Variants in TANGO6 observed in about 807,000 individuals in gnomAD.
The protein encoded by TANGO6 is transport and Golgi organization protein 6 homolog.
Under a neutral mutation model 114.2 loss-of-function variants are expected in TANGO6, and 90 were observed. That is an observed-to-expected ratio of 0.79 (90% CI 0.66 to 0.94). The LOEUF (loss-of-function observed/expected upper bound fraction) is 0.94, where lower values mean the gene tolerates loss of function less well. Among genes scored for constraint, TANGO6 ranks in the 40% least tolerant of loss-of-function variants. The pLI, the probability that TANGO6 is intolerant of heterozygous loss-of-function variation, is 0.00. For missense variants in TANGO6, 1,274 were observed against 1,315.3 expected, an observed-to-expected ratio of 0.97 and a Z score of 0.49; for synonymous variants, 477 against 509.8, an observed-to-expected ratio of 0.94 and a Z score of 0.87.
intron 15 of TANGO6, among the ~76,000 whole-genome samples, chr16:69,010,839 A>G (rs1398678731): frequency 6.6e-6 from 1 of 152,226 alleles, no homozygotes; most frequent in Non-Finnish European, 1.5e-5. Flanking sequence ...TGAATTGGTT[A>G]GATGGAAAGA....
At chr16:69,075,992 T>C (rs1459701764) in intron 17 of TANGO6, among the ~76,000 whole-genome samples, 5 of 151,578 alleles carry the variant, frequency 3.3e-5, no homozygotes, top group Non-Finnish European at 5.9e-5. Context: ...CTCAATCTCC[T>C]GACCTCGTGA....
intron 7 of TANGO6, among the ~76,000 whole-genome samples, chr16:68,893,958 C>T (rs1258140932): frequency 2.6e-5 from 4 of 152,044 alleles, no homozygotes; most frequent in African/African-American, 4.8e-5. Flanking sequence ...AGAGGTGGAG[C>T]GGTCAGGCCC....
In TANGO6 at chr16:69,022,829, A is replaced by G; in HGVS notation, c.2844A>G (p.Gly948=). The G allele has an allele frequency of 6.4e-7, 1 of 1,574,240 alleles. No homozygotes were observed. Among genetic ancestry groups the G allele is most frequent in the Non-Finnish European group, 8.6e-7 (1 of 1,159,126 alleles). Residue 948 remains glycine (G), a splice_region_variant and synonymous_variant, in exon 16 of 18, where the codon GGA becomes GGG. Transcript: ENST00000261778. ...TTGATTTCTTCCTTTTTCCTATAGG[A>G]GACATGGTCTCAAAGTACCGAGAAC... is the stretch of plus-strand genomic sequence containing the variant. ...EVLMRIVRAL[G]DMVSKYREPL...
chr16:68,844,781 T>A (rs1961777838), intron 1 of TANGO6, among the ~76,000 whole-genome samples: 1 of 152,138 alleles, frequency 6.6e-6, no homozygotes, highest in African/African-American at 2.4e-5. Flanking sequence ...TTTTTACGGA[T>A]GAAGGACCAA....
At chr16:68,845,130 G>A (rs1596984218) in intron 1 of TANGO6, among the ~76,000 whole-genome samples, 1 of 152,078 alleles carries the variant, frequency 6.6e-6, no homozygotes, top group Non-Finnish European at 1.5e-5. Context: ...ACCATGCCCA[G>A]CTAATTTTTG....
rs769339957 is a variant in TANGO6 at position 68,900,404 on chromosome 16, GATT to G, written c.1378-26_1378-24del. ...CGTTGCTCTGGCCAGGCAGTCATGG[GATT>G]ATTCTTCACCATTTCCTTTTTTCTA... On this transcript the variant is annotated intron_variant, in intron 7 of 17. Coordinates refer to ENST00000261778, the MANE Select transcript of TANGO6 (RefSeq NM_024562.2). 121 of 1,593,468 alleles carry G rather than the reference GATT, an allele frequency of 7.6e-5. No homozygotes were observed. The South Asian group carries it at 1.3e-3, about 17-fold the overall frequency.
At chr16:68,995,828 G>A (rs1286938790) in intron 15 of TANGO6, among the ~76,000 whole-genome samples, 1 of 152,136 alleles carries the variant, frequency 6.6e-6, no homozygotes, top group Non-Finnish European at 1.5e-5. Flanking sequence ...GCAATCAGTT[G>A]GCTGCATTTT....
At chr16:68,946,970 A>G (rs1963420272) in intron 14 of TANGO6, among the ~76,000 whole-genome samples, 1 of 152,144 alleles carries the variant, frequency 6.6e-6, no homozygotes, top group Non-Finnish European at 1.5e-5. Context: ...GTGATGTGAG[A>G]TATCCCCATT....
chr16:68,918,909 AT>A (rs1963049538), intron 11 of TANGO6, among the ~76,000 whole-genome samples, 175 bp from the exon 12 acceptor site: 1 of 152,134 alleles, frequency 6.6e-6, no homozygotes, highest in African/African-American at 2.4e-5. Context: ...AAACCGGTAA[AT>A]GTTTAAAAAA....
intron 15 of TANGO6, among the ~76,000 whole-genome samples, chr16:69,008,270 C>T (rs1358431865): frequency 6.6e-6 from 1 of 152,166 alleles, no homozygotes; most frequent in Non-Finnish European, 1.5e-5. Flanking sequence ...TTGATGGTGA[C>T]ATTTGAAGCA....
chr16:69,023,003 C>A, intron 16 of TANGO6, 24 bp downstream of exon 16: 1 of 1,542,492 alleles, frequency 6.5e-7, no homozygotes, highest in South Asian at 1.2e-5. Context: ...ATTCCTTTCT[C>A]TAAAGCGTGT....
At chr16:69,082,399 G>A (rs969721800) in intron 17 of TANGO6, among the ~76,000 whole-genome samples, 7 of 151,756 alleles carry the variant, frequency 4.6e-5, no homozygotes, top group Non-Finnish European at 4.4e-5. Context: ...CCACCGCACC[G>A]GCCTGGTGAC....
chr16:68,947,586 TC>T (rs1567546193), intron 14 of TANGO6, among the ~76,000 whole-genome samples: 1 of 147,656 alleles, frequency 6.8e-6, no homozygotes, highest in Non-Finnish European at 1.5e-5. Context: ...ATAACCCATC[TC>T]TTTTTTTTTT....
Position 69,083,891 on chromosome 16 carries a change from A to C in TANGO6, c.*230A>C. The C allele has an allele frequency of 2.4e-6, 1 of 424,320 alleles. No homozygotes were observed. The highest frequency in any genetic ancestry group is 4.2e-6 in the Non-Finnish European group (1 of 238,106). The allele number at this position is 424,320 out of a possible 1,614,324, so 26.3% of individuals were successfully genotyped here. ...TACAGTTAAGAGAAGACAGTTACAG[A>C]TCTCATTAATCTACATTTTTCACTG... On this transcript the variant is annotated 3_prime_UTR_variant, in exon 18 of 18. Coordinates refer to ENST00000261778, the MANE Select transcript of TANGO6 (RefSeq NM_024562.2).
At chr16:68,924,555 A>C (rs1963141976) in intron 12 of TANGO6, among the ~76,000 whole-genome samples, 1 of 152,016 alleles carries the variant, frequency 6.6e-6, no homozygotes, top group Non-Finnish European at 1.5e-5. Flanking sequence ...TGGGAGGCTG[A>C]GGTGGGAAGA....
intron 7 of TANGO6, among the ~76,000 whole-genome samples, chr16:68,887,252 C>T (rs909869765): frequency 1.3e-5 from 2 of 152,242 alleles, no homozygotes; most frequent in Admixed American, 6.5e-5. Flanking sequence ...TCCACCTTGA[C>T]ATCCCCTGTC....
intron 3 of TANGO6, among the ~76,000 whole-genome samples, chr16:68,863,608 C>G (rs1029122736): frequency 5.3e-5 from 8 of 151,762 alleles, no homozygotes; most frequent in East Asian, 1.9e-4. Context: ...GAAACTCAGT[C>G]TCAAAAAAAA....
intron 15 of TANGO6, among the ~76,000 whole-genome samples, chr16:68,995,390 A>G (rs1963982031): frequency 6.6e-6 from 1 of 152,210 alleles, no homozygotes; most frequent in Non-Finnish European, 1.5e-5. Context: ...ATTTTTGCCC[A>G]GTGACTATTG....
chr16:69,053,170 T>C (rs954155713), intron 17 of TANGO6, among the ~76,000 whole-genome samples: 1 of 152,158 alleles, frequency 6.6e-6, no homozygotes, highest in African/African-American at 2.4e-5. Context: ...AACTTATCTA[T>C]GAAAAGCATT....
Sources: gnomAD v4.1 joint callset for allele counts (sites outside exome capture counted in the v4.1 genomes callset) on GRCh38, gnomAD v4.1.1 for gene constraint, MANE v1.5 for transcripts, NCBI Gene and HGNC (gene_info 2026-07-23, HGNC 2026-07-21) for gene names.